Variants in KIAA1755 observed in about 807,000 individuals in gnomAD.
The protein encoded by KIAA1755 is uncharacterized protein KIAA1755.
In KIAA1755, 68 loss-of-function variants were observed where a neutral mutation model predicts 91.7. That is an observed-to-expected ratio of 0.74 (90% CI 0.61 to 0.91). The LOEUF (loss-of-function observed/expected upper bound fraction) is 0.91. Among genes scored for constraint, KIAA1755 ranks in the 40% least tolerant of loss-of-function variants. The probability of loss-of-function intolerance (pLI) is 0.00; values close to 1 mark genes in which losing one functional copy is unlikely to be tolerated. For missense variants in KIAA1755, 1,535 were observed against 1,494.4 expected, an observed-to-expected ratio of 1.03 and a Z score of -0.45; for synonymous variants, 610 against 604.6, an observed-to-expected ratio of 1.01 and a Z score of -0.13.
chr20:38,227,506 A>G lies in KIAA1755; in HGVS notation c.1966-266T>C, dbSNP rs141698700. Among the ~76,000 whole-genome samples the G allele has an allele frequency of 5.5e-3, 838 of 152,360 alleles. 12 individuals are homozygous for G. The highest frequency in any genetic ancestry group is 0.019 in the African/African-American group (795 of 41,578). The stretch of plus-strand genomic sequence containing the variant: ...GCCCCAGTTTGCCCATCTACAAAGC[A>G]AAGGAGGTCAGACCATAAGGTAAGC... On this transcript the variant is annotated intron_variant, in intron 6 of 13. Transcript: ENST00000279024.
chr20:38,235,660 G>A (rs1389521315), intron 4 of KIAA1755, among the ~76,000 whole-genome samples: 2 of 152,218 alleles, frequency 1.3e-5, no homozygotes, highest in Non-Finnish European at 2.9e-5. Context: ...AGGAAAGAAT[G>A]CAGCTCTGCA....
At chr20:38,223,206 C>A (rs939576508) in intron 9 of KIAA1755, 1 of 205,944 alleles carries the variant, frequency 4.9e-6, no homozygotes, top group African/African-American at 2.4e-5. Flanking sequence ...TTCAGAGAGG[C>A]CCTCCTCCCT....
In KIAA1755 at chr20:38,254,904, C is replaced by A. The variant is rs936491927; in HGVS notation, c.3+5594G>T. 2.0e-5 allele frequency among the ~76,000 whole-genome samples: 3 copies of A among 152,140 alleles called. No homozygotes were observed. In the South Asian group the frequency reaches 6.2e-4, roughly 32 times the overall value. ...TAAAAAGATCTGTCTTGGCTGGGCA[C>A]GGTGGCTCATGCCTGTAATCCCAGT... On this transcript the variant is annotated intron_variant, in intron 1 of 13. Transcript: ENST00000279024.
At chr20:38,234,961 T>C (rs994839426) in intron 4 of KIAA1755, among the ~76,000 whole-genome samples, 1 of 151,946 alleles carries the variant, frequency 6.6e-6, no homozygotes, top group African/African-American at 2.4e-5. Flanking sequence ...GAGCCTCAGG[T>C]GAAAATGAGG....
intron 2 of KIAA1755, among the ~76,000 whole-genome samples, chr20:38,243,521 G>A (rs1365199180): frequency 1.3e-5 from 2 of 152,200 alleles, no homozygotes; most frequent in Non-Finnish European, 2.9e-5. Context: ...CATCTCACTT[G>A]ACTTTCACAG....
rs982753326 is a variant in KIAA1755 at position 38,241,246 on chromosome 20, G to C, written c.885C>G (p.Gly295=). ...CCCCAGAAGTACACCCACTGGATGT[G>C]CCTGCCTCCCTACTGGGAGACTCTC... ...SRGESPSREA[G]TSSGCTSGAL... Residue 295 remains glycine (G), a synonymous_variant, in exon 3 of 14, where the codon GGC becomes GGG. Transcript: ENST00000279024. The C allele has an allele frequency of 1.2e-6, 2 of 1,614,026 alleles. No individual in the cohort carries two copies. The highest frequency in any genetic ancestry group is 1.7e-6 in the Non-Finnish European group (2 of 1,180,028).
chr20:38,221,132 G>T (rs924842532), intron 10 of KIAA1755, among the ~76,000 whole-genome samples: 1 of 152,220 alleles, frequency 6.6e-6, no homozygotes, highest in Non-Finnish European at 1.5e-5. Context: ...CAGGGAAGAG[G>T]TGTGGCCCAG....
At chr20:38,232,585 G>A (rs903196470) in intron 4 of KIAA1755, among the ~76,000 whole-genome samples, 30 of 148,424 alleles carry the variant, frequency 2.0e-4, no homozygotes, top group Non-Finnish European at 3.3e-4. Flanking sequence ...CCGAGATCTC[G>A]CCACTGCACT....
chr20:38,212,317 G>GT lies in KIAA1755; in HGVS notation c.*724_*725insA, dbSNP rs1482907633. On this transcript the variant is annotated 3_prime_UTR_variant, in exon 14 of 14. Transcript: ENST00000279024. ...GAGACCCTGTCTCTGGTGGGGTCGG[G>GT]GGGGGTGGGCGGAAAAGGCAATCCC... 2 of 152,008 alleles carry GT rather than the reference G, an allele frequency of 1.3e-5. No homozygotes were observed. The highest frequency in any genetic ancestry group is 2.9e-5 in the Non-Finnish European group (2 of 68,132). 9.4% of individuals were successfully genotyped at this position (152,008 alleles called of 1,614,324 possible). A position where few individuals can be genotyped will look rare whatever the true frequency, so the allele number is the denominator to read the frequency against.
At chr20:38,213,876 T>C in intron 13 of KIAA1755, 133 bp from the exon 14 acceptor site, 2 of 607,486 alleles carry the variant, frequency 3.3e-6, no homozygotes, top group Non-Finnish European at 5.4e-6. Context: ...ATGATGACCC[T>C]GGTTTCCCTC....
chr20:38,214,876 G>A (rs1041922140), intron 13 of KIAA1755, among the ~76,000 whole-genome samples: 2 of 152,244 alleles, frequency 1.3e-5, no homozygotes, highest in Admixed American at 6.5e-5. Flanking sequence ...AGGCTGTAGG[G>A]ATTGGAGAAC....
In KIAA1755 at chr20:38,217,359, G is replaced by C; in HGVS notation, c.2795C>G (p.Ser932Cys). ...AEFPELAAFASTQRAFQAELT... is the reference protein window; with the variant it reads ...AEFPELAAFACTQRAFQAELT... ...CTCAGCCTGGAAGGCCCGCTGGGTA[G>C]AGGCAAAGGCTGCCAGCTCTGGGAA... The change falls in exon 13 of 14, where the codon TCT becomes TGT. Residue 932 changes from serine (S) to cysteine (C), a missense_variant. Coordinates refer to ENST00000279024, the MANE Select transcript of KIAA1755 (RefSeq NM_001029864.2). 6.2e-7 allele frequency: 1 copy of C among 1,613,338 alleles called. No individual in the cohort carries two copies. The highest frequency in any genetic ancestry group is 1.3e-5 in the African/African-American group (1 of 75,062).
intron 1 of KIAA1755, among the ~76,000 whole-genome samples, chr20:38,259,871 C>T (rs2123381232): frequency 6.6e-6 from 1 of 150,830 alleles, no homozygotes; most frequent in East Asian, 2.0e-4. Flanking sequence ...CAGAATGTCT[C>T]AACTTTTTTC....
intron 5 of KIAA1755, among the ~76,000 whole-genome samples, chr20:38,229,409 T>C (rs780539809): frequency 6.6e-6 from 1 of 152,232 alleles, no homozygotes; most frequent in Non-Finnish European, 1.5e-5. Flanking sequence ...CAGTGGCAGA[T>C]AGTGACAGGA....
chr20:38,218,088 A>T, intron 12 of KIAA1755, 156 bp downstream of exon 12: 1 of 859,352 alleles, frequency 1.2e-6, no homozygotes, highest in Middle Eastern at 3.4e-4. Context: ...GGGAGATAAC[A>T]TCTCAGCTGA....
chr20:38,212,307 G>T lies in KIAA1755; in HGVS notation c.*735C>A, dbSNP rs1244669242. The T allele has an allele frequency of 6.8e-6, 1 of 147,506 alleles. No individual in the cohort carries two copies. The allele number at this position is 147,506 out of a possible 1,614,324, so 9.1% of individuals were successfully genotyped here. A position where few individuals can be genotyped will look rare whatever the true frequency, so the allele number is the denominator to read the frequency against. On this transcript the variant is annotated 3_prime_UTR_variant, in exon 14 of 14. Transcript: ENST00000279024. ...ACACCAGAGTGAGACCCTGTCTCTG[G>T]TGGGGTCGGGGGGGGTGGGCGGAAA...
intron 1 of KIAA1755, among the ~76,000 whole-genome samples, chr20:38,255,334 C>A (rs895239358): frequency 3.9e-5 from 6 of 152,146 alleles, no homozygotes; most frequent in Admixed American, 2.6e-4. Context: ...CACTTCCACC[C>A]TTTGGAGATA....
chr20:38,216,935 G>C, intron 13 of KIAA1755: 1 of 592,488 alleles, frequency 1.7e-6, no homozygotes, highest in South Asian at 1.5e-5. Context: ...GGCATGTCAC[G>C]GGGTACCACA....
At chr20:38,250,784 T>C (rs1287757913) in intron 1 of KIAA1755, among the ~76,000 whole-genome samples, 1 of 151,942 alleles carries the variant, frequency 6.6e-6, no homozygotes, top group African/African-American at 2.4e-5. Context: ...CCCTAGCTTT[T>C]TAATATGCAA....
Sources: allele counts gnomAD v4.1 joint callset (sites outside exome capture counted in the v4.1 genomes callset), GRCh38; gene constraint gnomAD v4.1.1; transcripts MANE v1.5; gene names NCBI Gene and HGNC (gene_info 2026-07-23, HGNC 2026-07-21).